Variants in SYTL5 observed in about 807,000 individuals in gnomAD.
The protein encoded by SYTL5 is synaptotagmin-like protein 5.
In SYTL5, 34 loss-of-function variants were observed where a neutral mutation model predicts 55.9. The ratio of observed to expected loss-of-function variants is 0.61; its 90% CI spans 0.46 to 0.81. The LOEUF (loss-of-function observed/expected upper bound fraction) is 0.81, where lower values mean the gene tolerates loss of function less well. SYTL5 is among the 30% of genes least tolerant of loss of function. The pLI, the probability that SYTL5 is intolerant of heterozygous loss-of-function variation, is 0.00. For missense variants in SYTL5, 637 were observed against 546.7 expected, an observed-to-expected ratio of 1.17 and a Z score of -1.65; for synonymous variants, 221 against 188.7, an observed-to-expected ratio of 1.17 and a Z score of -1.40.
Position 38,054,243 on chromosome X carries a change from A to G in SYTL5, c.150A>G (p.Lys50=). The G allele has an allele frequency of 8.3e-7, 1 of 1,210,467 alleles. No homozygotes were observed. Among genetic ancestry groups the G allele is most frequent in the Non-Finnish European group, 1.1e-6 (1 of 894,994 alleles). Residue 50 remains lysine (K), a synonymous_variant, in exon 3 of 17, where the codon AAA becomes AAG. Transcript: ENST00000297875. ...TGAAAAATGAACTCTTAGAAGCAAA[A>G]CGTAGAAGTGGGAAAACTCAACAAG... ...RKLKNELLEA[K]RRSGKTQQEA... is the part of the protein sequence containing the mutation.
chrX:38,111,713 A>C (rs1937365163), intron 13 of SYTL5, among the ~76,000 whole-genome samples: 1 of 111,950 alleles, frequency 8.9e-6, no homozygotes, highest in Admixed American at 9.5e-5. Flanking sequence ...AGAAGAGGAG[A>C]GTTCCTCCTC....
intron 11 of SYTL5, among the ~76,000 whole-genome samples, chrX:38,107,599 T>C (rs1352199777): frequency 8.9e-6 from 1 of 111,787 alleles, no homozygotes. Context: ...ATGGTGGGAA[T>C]CCTGAAATCC....
chrX:37,958,696 C>T, the SYTL5 span, among the ~76,000 whole-genome samples: 1 of 112,110 alleles, frequency 8.9e-6, no homozygotes, highest in Non-Finnish European at 1.9e-5. Flanking sequence ...TCATCTGAAT[C>T]AGATATAGAT....
At chrX:38,091,839 C>A (rs2147518878) in intron 7 of SYTL5, among the ~76,000 whole-genome samples, 1 of 110,993 alleles carries the variant, frequency 9.0e-6, no homozygotes, top group African/African-American at 3.3e-5. Context: ...AAACTAACAG[C>A]CCCTACTTGT....
chrX:38,055,636 A>G (rs1268855956), intron 3 of SYTL5, among the ~76,000 whole-genome samples: 3 of 111,858 alleles, frequency 2.7e-5, no homozygotes, highest in Non-Finnish European at 1.9e-5. Flanking sequence ...AGGAAAAGTA[A>G]ATAGTGAGAT....
the SYTL5 span, among the ~76,000 whole-genome samples, chrX:37,951,256 G>A: frequency 4.5e-5 from 5 of 110,712 alleles, no homozygotes; most frequent in Admixed American, 9.7e-5. Flanking sequence ...AAAGATCCTC[G>A]GTAAATAAGT....
chrX:38,030,496 C>A (rs1489616198), intron 1 of SYTL5, among the ~76,000 whole-genome samples: 4 of 111,825 alleles, frequency 3.6e-5, no homozygotes, highest in Non-Finnish European at 7.5e-5. Context: ...TTAAAAAGTC[C>A]TTTTAAATCT....
rs770743710 is a variant in SYTL5, at chrX:38,126,643, C to T, written c.2106C>T (p.Arg702=). Residue 702 remains arginine, a synonymous_variant, in exon 17 of 17, where the codon CGC becomes CGT. Transcript: ENST00000297875. ...DWMDSQGEEQ[R]LWQKMANNPG... is the part of the protein sequence containing the mutation. The stretch of plus-strand genomic sequence containing the variant: ...TGGACTCTCAGGGGGAAGAGCAGCG[C>T]CTTTGGCAGAAGATGGCCAACAACC... The T allele has an allele frequency of 2.6e-5, 31 of 1,208,697 alleles. No homozygotes were observed. The highest frequency in any genetic ancestry group is 3.2e-5 in the Non-Finnish European group (29 of 894,541).
the SYTL5 span, among the ~76,000 whole-genome samples, chrX:37,929,448 A>G: frequency 8.9e-6 from 1 of 112,504 alleles, no homozygotes; most frequent in Admixed American, 9.4e-5. Context: ...CCCTCTGTTT[A>G]CCACAAAGCT....
intron 6 of SYTL5, among the ~76,000 whole-genome samples, chrX:38,087,595 T>C (rs1002894618): frequency 1.8e-5 from 2 of 112,101 alleles, no homozygotes; most frequent in Non-Finnish European, 3.8e-5. Context: ...AGAGACTGTT[T>C]AGTAAAAAAG....
At chrX:37,904,197 A>G in the SYTL5 span, among the ~76,000 whole-genome samples, 3 of 105,606 alleles carry the variant, frequency 2.8e-5, no homozygotes, top group African/African-American at 1.0e-4. Flanking sequence ...GGAATGTAAG[A>G]TTTTTGATAG....
upstream of SYTL5, among the ~76,000 whole-genome samples, chrX:38,003,857 G>C (rs1234114652): frequency 8.9e-6 from 1 of 111,850 alleles, no homozygotes; most frequent in Non-Finnish European, 1.9e-5. Flanking sequence ...ATTTGTTATT[G>C]CTTCTCTTTT....
chrX:37,962,792 T>C, the SYTL5 span, among the ~76,000 whole-genome samples: 2 of 112,197 alleles, frequency 1.8e-5, no homozygotes, highest in Admixed American at 9.4e-5. Context: ...GGTATCTCAT[T>C]GTGGTTTTGA....
At chrX:38,055,856 AT>A (rs1312595048) in intron 3 of SYTL5, among the ~76,000 whole-genome samples, 1 of 111,827 alleles carries the variant, frequency 8.9e-6, no homozygotes, top group Non-Finnish European at 1.9e-5. Context: ...AGGTATATAT[AT>A]TTATGGGGTA....
At chrX:37,987,550 C>T in the SYTL5 span, among the ~76,000 whole-genome samples, 5 of 111,972 alleles carry the variant, frequency 4.5e-5, no homozygotes, top group Non-Finnish European at 7.5e-5. Context: ...CAGCATCAAC[C>T]TCAGTGTCTG....
At chrX:38,126,369 C>T (rs1937645294) in intron 16 of SYTL5, among the ~76,000 whole-genome samples, 1 of 112,068 alleles carries the variant, frequency 8.9e-6, no homozygotes, top group African/African-American at 3.2e-5. Flanking sequence ...GTCACCAGGG[C>T]CACCCCGATT....
chrX:37,928,447 T>A, the SYTL5 span, among the ~76,000 whole-genome samples: 1 of 111,237 alleles, frequency 9.0e-6, no homozygotes, highest in Non-Finnish European at 1.9e-5. Context: ...AGTTACAGAT[T>A]GTCTATGGGT....
chrX:38,064,665 C>G (rs1296921835), intron 3 of SYTL5, among the ~76,000 whole-genome samples: 1 of 111,292 alleles, frequency 9.0e-6, no homozygotes. Context: ...TAGCTGCATA[C>G]ATGTTTTTCC....
Position 38,102,360 on chromosome X carries a change from G to A in SYTL5, c.1081G>A (p.Glu361Lys). 1 of 1,206,451 alleles carries A rather than the reference G, an allele frequency of 8.3e-7. No homozygotes were observed. Among genetic ancestry groups the A allele is most frequent in the Admixed American group, 2.2e-5 (1 of 45,958 alleles). ...ALDKDSLEETEESIDALVSSQ... is the reference protein window; with the variant it reads ...ALDKDSLEETKESIDALVSSQ... ...TTTTTAGGACTCCTTGGAAGAGACTGAAGAAAGCATTGATGCCTTAGTGTC... is the reference window on the plus strand; with the variant it reads ...TTTTTAGGACTCCTTGGAAGAGACTAAAGAAAGCATTGATGCCTTAGTGTC... The change falls in exon 10 of 17, where the codon GAA (glutamate) becomes AAA (lysine). Residue 361 changes from glutamate (E) to lysine (K), a missense_variant. Glu to Lys is a moderately conservative substitution (Grantham distance 56). Transcript: ENST00000297875.
Sources: allele counts gnomAD v4.1 joint callset (sites outside exome capture counted in the v4.1 genomes callset), GRCh38; gene constraint gnomAD v4.1.1; transcripts MANE v1.5; gene names NCBI Gene and HGNC (gene_info 2026-07-23, HGNC 2026-07-21).